The following HMCN1 variants were observed in gnomAD, a reference collection of about 807,000 sequenced individuals.
HMCN1 encodes hemicentin 1, also known as hemicentin-1.
Under a neutral mutation model 625.9 loss-of-function variants are expected in HMCN1, and 321 were observed. That is an observed-to-expected ratio of 0.51 (90% CI 0.47 to 0.56). HMCN1 has a LOEUF of 0.56. HMCN1 is among the 20% of genes least tolerant of loss of function. The pLI is 0.00. For synonymous variants in HMCN1, 2,425 were observed against 2,417.6 expected, an observed-to-expected ratio of 1.00 and a Z score of -0.09; for missense variants, 6,588 against 6,887.3, an observed-to-expected ratio of 0.96 and a Z score of 1.54.
chr1:185,858,633 T>A (rs905098218), intron 2 of HMCN1, among the ~76,000 whole-genome samples: 2 of 122,562 alleles, frequency 1.6e-5, no homozygotes, highest in African/African-American at 6.3e-5. Flanking sequence ...TTTTTTTTTT[T>A]AGAGACGGGG....
chr1:185,836,260 T>G (rs1661168025), intron 1 of HMCN1, among the ~76,000 whole-genome samples: 1 of 152,168 alleles, frequency 6.6e-6, no homozygotes, highest in Admixed American at 6.5e-5. Flanking sequence ...CCTCTTTTTT[T>G]TCTTAGATTA....
intron 1 of HMCN1, among the ~76,000 whole-genome samples, chr1:185,783,608 C>G (rs1209838976): frequency 6.6e-6 from 1 of 152,190 alleles, no homozygotes; most frequent in African/African-American, 2.4e-5. Context: ...GCTGGAGGTC[C>G]ACTCCAGACC....
intron 4 of HMCN1, among the ~76,000 whole-genome samples, chr1:185,872,704 C>A (rs12409039): frequency 4.6e-5 from 7 of 152,014 alleles, no homozygotes; most frequent in Admixed American, 4.6e-4. Flanking sequence ...AAAGGATAAG[C>A]CCTGCAAAAT....
At chr1:186,119,462 A>G (rs1251817857) in intron 78 of HMCN1, among the ~76,000 whole-genome samples, 164 bp downstream of exon 78, 1 of 152,216 alleles carries the variant, frequency 6.6e-6, no homozygotes, top group East Asian at 1.9e-4. Flanking sequence ...AAAAAGGCAC[A>G]CAAATGGCAA....
At chr1:185,927,059 A>T (rs1667313202) in intron 9 of HMCN1, among the ~76,000 whole-genome samples, 1 of 152,230 alleles carries the variant, frequency 6.6e-6, no homozygotes, top group African/African-American at 2.4e-5. Flanking sequence ...GTCTTTGGAC[A>T]AATTACTTGT....
intron 97 of HMCN1, among the ~76,000 whole-genome samples, chr1:186,159,008 A>G (rs976314696): frequency 6.6e-6 from 1 of 152,178 alleles, no homozygotes; most frequent in African/African-American, 2.4e-5. Flanking sequence ...TCGAATCTAT[A>G]AATTACCTTG....
At chr1:186,094,851 C>T (rs150650098) in intron 67 of HMCN1, among the ~76,000 whole-genome samples, 9 of 152,078 alleles carry the variant, frequency 5.9e-5, no homozygotes, top group African/African-American at 1.2e-4. Context: ...AGTTAAGTAA[C>T]GCTTTATTGT....
Position 186,112,510 on chromosome 1 carries a change from C to T in HMCN1, c.10990-302C>T, listed in dbSNP as rs968835564. 7.2e-5 allele frequency among the ~76,000 whole-genome samples: 11 copies of T among 152,160 alleles called. No homozygotes were observed. In the South Asian group the frequency reaches 1.9e-3, roughly 26 times the overall value. On this transcript the variant is annotated intron_variant, in intron 71 of 106. Coordinates refer to ENST00000271588, the MANE Select transcript of HMCN1 (RefSeq NM_031935.3). ...TAGGAAAAAGGGCACACCCTTTCCC[C>T]GACACTCCCAGCAGAGTCTAGAGGA...
At chr1:186,177,533 G>A (rs556521502) in intron 103 of HMCN1, among the ~76,000 whole-genome samples, 8 of 152,282 alleles carry the variant, frequency 5.3e-5, no homozygotes, top group South Asian at 4.1e-4. Context: ...GGGCAGACAA[G>A]CAATATGATA....
At chr1:186,060,603 T>A (rs1296390062) in intron 46 of HMCN1, among the ~76,000 whole-genome samples, 1 of 152,136 alleles carries the variant, frequency 6.6e-6, no homozygotes, top group Non-Finnish European at 1.5e-5. Context: ...GTTACATAGA[T>A]GTTCAAAATA....
At chr1:186,099,217 C>G (rs1434744128) in intron 68 of HMCN1, among the ~76,000 whole-genome samples, 1 of 151,920 alleles carries the variant, frequency 6.6e-6, no homozygotes, top group Non-Finnish European at 1.5e-5. Context: ...GCTAATTACC[C>G]TGATTTGATA....
chr1:185,739,583 G>A (rs1022321574), intron 1 of HMCN1, among the ~76,000 whole-genome samples: 14 of 152,024 alleles, frequency 9.2e-5, no homozygotes, highest in Non-Finnish European at 1.8e-4. Context: ...TCACAATTGT[G>A]TCTCCACTTT....
chr1:185,832,245 G>A lies in HMCN1; in HGVS notation c.269-13781G>A, dbSNP rs113909976. Among the ~76,000 whole-genome samples, 9 of 151,266 alleles carry A rather than the reference G, an allele frequency of 5.9e-5. 1 individual carries two copies. The highest frequency in any genetic ancestry group is 3.4e-3 in the Middle Eastern group (1 of 294). ...CGGGAGGCAGAGGCTGCAGTAAGCC[G>A]AGATCACACCACTGCACTCCAGCCT... On this transcript the variant is annotated intron_variant, in intron 1 of 106. Coordinates refer to ENST00000271588, the MANE Select transcript of HMCN1 (RefSeq NM_031935.3).
intron 41 of HMCN1, among the ~76,000 whole-genome samples, chr1:186,046,546 C>A (rs907298636): frequency 5.3e-5 from 8 of 151,998 alleles, no homozygotes; most frequent in African/African-American, 1.9e-4. Context: ...AAATACATAA[C>A]AAATTAACAA....
chr1:185,846,753 C>T (rs1010115679), intron 2 of HMCN1, among the ~76,000 whole-genome samples: 1 of 152,114 alleles, frequency 6.6e-6, no homozygotes. Flanking sequence ...TTTTGGCGAT[C>T]GGTACCTGCC....
chr1:185,970,568 TG>T, intron 15 of HMCN1, 75 bp downstream of exon 15: 1 of 1,294,048 alleles, frequency 7.7e-7, no homozygotes, highest in African/African-American at 1.5e-5. Flanking sequence ...AACCTTGAAA[TG>T]GTTTGGTAGA....
intron 1 of HMCN1, among the ~76,000 whole-genome samples, chr1:185,829,755 G>T (rs139247393): frequency 2.0e-5 from 3 of 152,056 alleles, no homozygotes; most frequent in African/African-American, 4.8e-5. Flanking sequence ...TTTATAATCC[G>T]TTGGGTATCT....
chr1:185,741,416 A>G (rs1653985567), intron 1 of HMCN1, among the ~76,000 whole-genome samples: 1 of 152,208 alleles, frequency 6.6e-6, no homozygotes, highest in South Asian at 2.1e-4. Context: ...AAGTAGAGAT[A>G]AGAAGATAGT....
intron 1 of HMCN1, among the ~76,000 whole-genome samples, chr1:185,816,441 A>T (rs2102258099): frequency 6.6e-6 from 1 of 152,212 alleles, no homozygotes; most frequent in East Asian, 1.9e-4. Flanking sequence ...TGCTCATCCC[A>T]TTGTGATTTC....
Sources: gnomAD v4.1 joint callset for allele counts (sites outside exome capture counted in the v4.1 genomes callset) on GRCh38, gnomAD v4.1.1 for gene constraint, MANE v1.5 for transcripts, NCBI Gene and HGNC (gene_info 2026-07-23, HGNC 2026-07-21) for gene names.